The following FOCAD variants were observed in gnomAD, a reference collection of about 807,000 sequenced individuals.
FOCAD encodes the protein KIAA1797.
Under a neutral mutation model 225.6 loss-of-function variants are expected in FOCAD, and 198 were observed. The observed-to-expected ratio is 0.88, with a 90% confidence interval of 0.78 to 0.99. The LOEUF is 0.99. Among genes scored for constraint, FOCAD ranks in the 50% least tolerant of loss-of-function variants. The pLI, the probability that FOCAD is intolerant of heterozygous loss-of-function variation, is 0.00. For missense variants in FOCAD, 2,713 were observed against 2,123.6 expected, an observed-to-expected ratio of 1.28 and a Z score of -5.46; for synonymous variants, 897 against 755.0, an observed-to-expected ratio of 1.19 and a Z score of -3.08.
chr9:20,937,188 A>T (rs1203121580), intron 28 of FOCAD, among the ~76,000 whole-genome samples: 1 of 150,798 alleles, frequency 6.6e-6, no homozygotes, highest in African/African-American at 2.4e-5. Context: ...CATCCCCATC[A>T]AGCTACCAAT....
intron 21 of FOCAD, among the ~76,000 whole-genome samples, chr9:20,901,521 T>C (rs909390012): frequency 6.6e-6 from 1 of 151,842 alleles, no homozygotes; most frequent in African/African-American, 2.4e-5. Flanking sequence ...TTCTTGTAGA[T>C]GGAATAAGCA....
Position 20,953,057 on chromosome 9 carries a change from GA to G in FOCAD, c.4131del (p.Gly1378ValfsTer12), listed in dbSNP as rs887086186. ...GAAIGFFITG[G>X]KKGPESVPPS... ...GCTATTGGCTTCTTCATTACAGGAG[GA>G]AAAAAAGGCAAGTGAGCACATTTCT... On this transcript the variant is annotated frameshift_variant, in exon 35 of 44. Transcript: ENST00000338382. LOFTEE classifies it high-confidence loss of function. 1.2e-6 allele frequency: 2 copies of G among 1,607,480 alleles called. No individual in the cohort carries two copies. Among genetic ancestry groups the G allele is most frequent in the Non-Finnish European group, 8.5e-7 (1 of 1,176,446 alleles).
intron 22 of FOCAD, among the ~76,000 whole-genome samples, chr9:20,912,013 A>G (rs1833478085): frequency 6.6e-6 from 1 of 152,140 alleles, no homozygotes; most frequent in Non-Finnish European, 1.5e-5. Flanking sequence ...CAAAATGGAA[A>G]AAATTAAAAG....
intron 1 of FOCAD, among the ~76,000 whole-genome samples, chr9:20,707,305 C>G (rs1824468913): frequency 6.6e-6 from 1 of 152,148 alleles, no homozygotes; most frequent in Non-Finnish European, 1.5e-5. Context: ...TTAATGGTCT[C>G]TCTGAGAATA....
chr9:20,947,194 A>T (rs1043471934), intron 30 of FOCAD, among the ~76,000 whole-genome samples: 1 of 152,206 alleles, frequency 6.6e-6, no homozygotes, highest in Non-Finnish European at 1.5e-5. Flanking sequence ...GATAAAGTCA[A>T]ACTTCAGAAA....
chr9:20,701,477 A>AT (rs1052892796), intron 1 of FOCAD, among the ~76,000 whole-genome samples: 5 of 152,168 alleles, frequency 3.3e-5, no homozygotes, highest in Non-Finnish European at 5.9e-5. Context: ...GCTTTAATTA[A>AT]TTTTAGTGAT....
intron 1 of FOCAD, among the ~76,000 whole-genome samples, chr9:20,686,105 A>G (rs1404701191): frequency 6.6e-6 from 1 of 152,208 alleles, no homozygotes; most frequent in African/African-American, 2.4e-5. Flanking sequence ...TAATATCACT[A>G]TTAGGAGTTT....
chr9:20,765,336 C>T (rs1290683255), intron 7 of FOCAD, among the ~76,000 whole-genome samples: 1 of 151,988 alleles, frequency 6.6e-6, no homozygotes, highest in Non-Finnish European at 1.5e-5. Flanking sequence ...GAAAACTTTC[C>T]TTTGTTTAAG....
chr9:20,699,045 T>G (rs762162970), intron 1 of FOCAD, among the ~76,000 whole-genome samples: 1 of 152,162 alleles, frequency 6.6e-6, no homozygotes, highest in Non-Finnish European at 1.5e-5. Flanking sequence ...ACCTCAGACT[T>G]TCAGCTTCAT....
At position 20,963,467 on chromosome 9, in the gene FOCAD, A is replaced by T. The variant is rs368233433; in HGVS notation, c.4132+10402A>T. 9.8e-5 allele frequency among the ~76,000 whole-genome samples: 15 copies of T among 152,304 alleles called. 1 individual carries two copies. Among genetic ancestry groups the T allele is most frequent in the Admixed American group, 7.8e-4 (12 of 15,296 alleles). On this transcript the variant is annotated intron_variant, in intron 35 of 43. Coordinates refer to ENST00000338382, the MANE Select transcript of FOCAD (RefSeq NM_001375567.1). ...TTCCCTAGATCCTCTGGAAACTCCA[A>T]AGTCTTTGTAGTGGATTCTCTCAAA...
intron 35 of FOCAD, among the ~76,000 whole-genome samples, chr9:20,965,557 C>G (rs7869765): frequency 6.6e-6 from 1 of 151,800 alleles, no homozygotes; most frequent in Non-Finnish European, 1.5e-5. Flanking sequence ...ATACAACATG[C>G]CATTTTAACC....
In FOCAD at chr9:20,691,755, T is replaced by C. The variant is rs201732651; in HGVS notation, c.-33+7462T>C. ...TCGGCCTCCCAAAGTGCTGGGATTATAGGCATGAGCCACCAAGCCCGGCCA... is the reference window on the plus strand; with the variant it reads ...TCGGCCTCCCAAAGTGCTGGGATTACAGGCATGAGCCACCAAGCCCGGCCA... On this transcript the variant is annotated intron_variant, in intron 1 of 43. Coordinates refer to ENST00000338382, the MANE Select transcript of FOCAD (RefSeq NM_001375567.1). Among the ~76,000 whole-genome samples the C allele has an allele frequency of 2.0e-5, 3 of 150,444 alleles. 1 individual carries two copies. Among genetic ancestry groups the C allele is most frequent in the Admixed American group, 2.0e-4 (3 of 15,096 alleles).
At chr9:20,808,845 T>G (rs868236603) in intron 11 of FOCAD, among the ~76,000 whole-genome samples, 1 of 152,178 alleles carries the variant, frequency 6.6e-6, no homozygotes, top group Non-Finnish European at 1.5e-5. Flanking sequence ...AACATCCACT[T>G]TAGTCCTATC....
rs1209282080 is a variant in FOCAD, at chr9:20,946,828, CG to C, written c.3675+9del. On this transcript the variant is annotated intron_variant, in intron 30 of 43. Coordinates refer to ENST00000338382, the MANE Select transcript of FOCAD (RefSeq NM_001375567.1). ...GTGGAGAATAGCCAGCAGGTTGGAA[CG>C]TGTGCCCTGATTATTTCTCTCTGTG... The C allele has an allele frequency of 5.0e-6, 8 of 1,612,604 alleles. No homozygotes were observed. The African/African-American group carries it at 6.7e-5, about 13-fold the overall frequency.
chr9:20,684,115 C>T (rs1822506084), upstream of FOCAD: 1 of 152,364 alleles, frequency 6.6e-6, no homozygotes, highest in African/African-American at 2.4e-5. Context: ...CGGCCCGGGC[C>T]TTAGACGCGC....
At chr9:20,736,225 A>ATT (rs145462404) in intron 4 of FOCAD, among the ~76,000 whole-genome samples, 2 of 151,786 alleles carry the variant, frequency 1.3e-5, no homozygotes, top group Non-Finnish European at 2.9e-5. Context: ...AGGTTATAGG[A>ATT]TTTTTTTTAT....
At position 20,763,780 on chromosome 9, in the gene FOCAD, G is replaced by A. The variant is rs530556023; in HGVS notation, c.495-1089G>A. ...AAACAGAGGCCAAATGATGGAGGGT[G>A]TGTGTGAATTGGGCTAGATACTGTT... On this transcript the variant is annotated intron_variant, in intron 6 of 43. Coordinates refer to ENST00000338382, the MANE Select transcript of FOCAD (RefSeq NM_001375567.1). Among the ~76,000 whole-genome samples, 7 of 152,300 alleles carry A rather than the reference G, an allele frequency of 4.6e-5. No individual in the cohort carries two copies. The South Asian group carries it at 1.2e-3, about 27-fold the overall frequency.
chr9:20,713,087 A>G (rs140573511), intron 1 of FOCAD, among the ~76,000 whole-genome samples: 4 of 152,090 alleles, frequency 2.6e-5, no homozygotes, highest in East Asian at 1.9e-4. Context: ...TTTCCCTTCA[A>G]ATATATCCAG....
chr9:20,995,831 G>A lies in FOCAD; in HGVS notation c.*202G>A, dbSNP rs1842017945. ...TTGCTTTAGTACCCGGGCCAGTTGA[G>A]ACTGAAACAGGAACTTGGATTTTCT... is the stretch of plus-strand genomic sequence containing the variant. On this transcript the variant is annotated 3_prime_UTR_variant, in exon 44 of 44. Transcript: ENST00000338382. The A allele has an allele frequency of 2.9e-6, 1 of 349,766 alleles. No individual in the cohort carries two copies. Among genetic ancestry groups the A allele is most frequent in the African/African-American group, 2.1e-5 (1 of 47,302 alleles). The allele number at this position is 349,766 out of a possible 1,614,324, so 21.7% of individuals were successfully genotyped here. A position where few individuals can be genotyped will look rare whatever the true frequency, so the allele number is the denominator to read the frequency against.
Sources: gnomAD v4.1 joint callset for allele counts (sites outside exome capture counted in the v4.1 genomes callset) on GRCh38, gnomAD v4.1.1 for gene constraint, MANE v1.5 for transcripts, NCBI Gene and HGNC (gene_info 2026-07-23, HGNC 2026-07-21) for gene names.